SEMA3A: variants seen among roughly 807,000 people sequenced by gnomAD.
SEMA3A encodes the protein semaphorin-3A.
A neutral mutation model predicts 97.9 loss-of-function variants in SEMA3A; 29 were observed. The ratio of observed to expected loss-of-function variants is 0.30; its 90% CI spans 0.22 to 0.40. The LOEUF is 0.40. Among genes scored for constraint, SEMA3A ranks in the 10% least tolerant of loss-of-function variants. SEMA3A has a pLI of 1.00. For synonymous variants in SEMA3A, 321 were observed against 323.7 expected (o/e 0.99, Z 0.09); for missense variants, 763 against 951.3 (o/e 0.80, Z 2.60).
chr7:84,216,368 G>C (rs1461527346), intron 3 of SEMA3A, among the ~76,000 whole-genome samples: 1 of 152,130 alleles, frequency 6.6e-6, no homozygotes, highest in Non-Finnish European at 1.5e-5. Context: ...GCCTCCCAAA[G>C]TGCTGGGATT....
At chr7:84,281,433 A>G (rs1351759610) in intron 3 of SEMA3A, among the ~76,000 whole-genome samples, 1 of 152,180 alleles carries the variant, frequency 6.6e-6, no homozygotes, top group East Asian at 1.9e-4. Context: ...GAAGTTAATC[A>G]ACATGTGGAG....
intron 3 of SEMA3A, among the ~76,000 whole-genome samples, chr7:84,124,311 A>G (rs1206853125): frequency 6.6e-6 from 1 of 152,202 alleles, no homozygotes; most frequent in Non-Finnish European, 1.5e-5. Context: ...CGAGGAAATC[A>G]GTAGGAAATG....
At chr7:84,196,558 T>C (rs903863374), upstream of SEMA3A, among the ~76,000 whole-genome samples, 1 of 152,216 alleles carries the variant, frequency 6.6e-6, no homozygotes, top group Admixed American at 6.5e-5. Flanking sequence ...CTCAAGCCTA[T>C]TGATCAGCCA....
chr7:83,988,503 A>T (rs1178767901), intron 12 of SEMA3A, among the ~76,000 whole-genome samples: 1 of 151,976 alleles, frequency 6.6e-6, no homozygotes, highest in Admixed American at 6.6e-5. Flanking sequence ...TTGTGGTTTT[A>T]ATTACTATGT....
chr7:84,220,457 A>G (rs1456310379), intron 3 of SEMA3A, among the ~76,000 whole-genome samples: 3 of 152,146 alleles, frequency 2.0e-5, no homozygotes, highest in Non-Finnish European at 4.4e-5. Context: ...ACTAGAATTA[A>G]TCATTTCCAG....
At chr7:84,397,681 A>G (rs1803775222) in intron 1 of SEMA3A, among the ~76,000 whole-genome samples, 1 of 151,936 alleles carries the variant, frequency 6.6e-6, no homozygotes, top group Admixed American at 6.6e-5. Flanking sequence ...TGCCAACGTA[A>G]TCTCCACGAA....
In SEMA3A at chr7:84,427,080, G is replaced by A. The variant is rs564533796; in HGVS notation, c.-245-55180C>T. On this transcript the variant is annotated intron_variant, in intron 1 of 3. Coordinates refer to the SEMA3A transcript ENST00000424555. ...GAGTAAAGAAGAAAATAATGTTAAC[G>A]CAATTCTGGGATGTTAAGTTATTCA... Among the ~76,000 whole-genome samples, 4 of 152,078 alleles carry A rather than the reference G, an allele frequency of 2.6e-5. No individual in the cohort carries two copies. The South Asian group carries it at 6.2e-4, about 24-fold the overall frequency.
intron 1 of SEMA3A, among the ~76,000 whole-genome samples, chr7:84,399,441 C>G (rs142393518): frequency 6.6e-6 from 1 of 152,192 alleles, no homozygotes; most frequent in East Asian, 1.9e-4. Context: ...CAGCATGACA[C>G]TAGCTGCAGT....
At chr7:84,192,965 A>G (rs927786671) in intron 1 of SEMA3A, among the ~76,000 whole-genome samples, 1 of 151,998 alleles carries the variant, frequency 6.6e-6, no homozygotes, top group Admixed American at 6.6e-5. Context: ...AACAGAAAGC[A>G]AAACTGATAA....
In SEMA3A at chr7:84,011,007, T is replaced by C. The variant is rs1448152777; in HGVS notation, c.995+15A>G. 1 of 1,576,496 alleles carries C rather than the reference T, an allele frequency of 6.3e-7. No homozygotes were observed. Among genetic ancestry groups the C allele is most frequent in the Non-Finnish European group, 8.7e-7 (1 of 1,154,716 alleles). ...TAACATTAAGTTTCTATAAGGTAGT[T>C]AAAAAGTTACTTACCTGGAAGTCGT... is the stretch of plus-strand genomic sequence containing the variant. On this transcript the variant is annotated intron_variant, in intron 9 of 16. Transcript: ENST00000265362.
chr7:84,467,720 C>T (rs1312697724), intron 1 of SEMA3A, among the ~76,000 whole-genome samples: 1 of 151,848 alleles, frequency 6.6e-6, no homozygotes, highest in African/African-American at 2.4e-5. Context: ...CCAACCTTTC[C>T]TCACCTCCTG....
intron 1 of SEMA3A, among the ~76,000 whole-genome samples, chr7:84,489,680 A>G (rs1387877457): frequency 6.6e-6 from 1 of 151,982 alleles, no homozygotes; most frequent in African/African-American, 2.4e-5. Context: ...GAGTTACTAG[A>G]TTTTTCTCTT....
At chr7:84,122,030 T>C (rs548839747) in intron 3 of SEMA3A, among the ~76,000 whole-genome samples, 3 of 150,766 alleles carry the variant, frequency 2.0e-5, no homozygotes, top group South Asian at 2.1e-4. Flanking sequence ...CCTTTGGGTA[T>C]ATACCCAGTA....
intron 5 of SEMA3A, among the ~76,000 whole-genome samples, chr7:84,055,212 T>G (rs1002017883): frequency 1.4e-4 from 21 of 152,188 alleles, no homozygotes; most frequent in Non-Finnish European, 2.2e-4. Flanking sequence ...CAGGCCTCCT[T>G]GAGCTGTGGT....
chr7:84,298,159 A>G (rs1443468626), intron 3 of SEMA3A, among the ~76,000 whole-genome samples: 1 of 152,164 alleles, frequency 6.6e-6, no homozygotes, highest in African/African-American at 2.4e-5. Flanking sequence ...ATTTTTGAGA[A>G]ACTCAGGAAA....
chr7:84,401,478 G>C (rs1458506084), intron 1 of SEMA3A, among the ~76,000 whole-genome samples: 1 of 143,156 alleles, frequency 7.0e-6, no homozygotes, highest in Non-Finnish European at 1.5e-5. Context: ...CAATGATCTT[G>C]TTCACAGAAA....
rs113677222 is a variant in SEMA3A at position 84,310,370 on chromosome 7, G to GTT, written c.-168-3080_-168-3079dup. 3.4e-5 allele frequency among the ~76,000 whole-genome samples: 5 copies of GTT among 147,622 alleles called. 1 individual carries two copies. Among genetic ancestry groups the GTT allele is most frequent in the African/African-American group, 1.2e-4 (5 of 40,336 alleles). ...AAATAACTGATCCAACCTGACAGTT[G>GTT]TTTTTTTTTTATTCACACCATATAA... is the stretch of plus-strand genomic sequence containing the variant. On this transcript the variant is annotated intron_variant, in intron 2 of 3. Transcript: ENST00000424555.
At chr7:83,996,871 CTCT>C (rs1343567818) in intron 12 of SEMA3A, among the ~76,000 whole-genome samples, 2 of 152,082 alleles carry the variant, frequency 1.3e-5, no homozygotes, top group Non-Finnish European at 2.9e-5. Context: ...TTTATTTCAC[CTCT>C]TATTACCTAT....
rs1788270459 is a variant in SEMA3A, at chr7:83,955,944, A to C, written c.*5427T>G. On this transcript the variant is annotated 3_prime_UTR_variant, in exon 17 of 17. Transcript: ENST00000265362. ...AAATAAACATTGTATATACAAGTAT[A>C]GTGTTTAGATTAAAAGAAAGAAAAT... 6.6e-6 allele frequency: 1 copy of C among 152,176 alleles called. No homozygotes were observed. Among genetic ancestry groups the C allele is most frequent in the African/African-American group, 2.4e-5 (1 of 41,454 alleles). 9.4% of individuals were successfully genotyped at this position (152,176 alleles called of 1,614,324 possible).
Sources: gnomAD v4.1 joint callset for allele counts (sites outside exome capture counted in the v4.1 genomes callset) on GRCh38, gnomAD v4.1.1 for gene constraint, MANE v1.5 for transcripts, NCBI Gene and HGNC (gene_info 2026-07-23, HGNC 2026-07-21) for gene names.